RCSD1: variants seen among roughly 807,000 people sequenced by gnomAD.
RCSD1 encodes the protein capZ-interacting protein.
Under a neutral mutation model 42.5 loss-of-function variants are expected in RCSD1, and 26 were observed. The observed-to-expected ratio is 0.61, with a 90% CI of 0.45 to 0.85. The LOEUF (loss-of-function observed/expected upper bound fraction) is 0.85, where lower values mean the gene tolerates loss of function less well. Among genes scored for constraint, RCSD1 ranks in the 40% least tolerant of loss-of-function variants. The pLI, the probability that RCSD1 is intolerant of heterozygous loss-of-function variation, is 0.00. For synonymous variants in RCSD1, 220 were observed against 212.2 expected (o/e 1.04, Z -0.32); for missense variants, 571 against 528.3 (o/e 1.08, Z -0.79).
Position 167,697,816 on chromosome 1 carries a change from A to C in RCSD1, c.1192A>C (p.Ser398Arg), listed in dbSNP as rs1381440600. Reference sequence around the variant, plus strand: ...GCTGGAGACCAGCAGTGAGGTCCAGAGCGAGCCAGCAGTCCCCAAGCCGGA... The same window carrying C: ...GCTGGAGACCAGCAGTGAGGTCCAGCGCGAGCCAGCAGTCCCCAAGCCGGA... ...AQLETSSEVQ[S>R]EPAVPKPEDD... Residue 398 changes from serine (S) to arginine (R), a missense_variant, in exon 6 of 7, where the codon AGC becomes CGC. Ser to Arg is a moderately radical substitution (Grantham distance 110). Transcript: ENST00000367854. The C allele has an allele frequency of 4.1e-6, 6 of 1,468,844 alleles. No homozygotes were observed. Among genetic ancestry groups the C allele is most frequent in the Non-Finnish European group, 4.5e-6 (5 of 1,110,564 alleles). The allele number at this position is 1,468,844 out of a possible 1,614,324, so 91.0% of individuals were successfully genotyped here. A position where few individuals can be genotyped will look rare whatever the true frequency, so the allele number is the denominator to read the frequency against.
At chr1:167,660,665 A>C (rs1367084049) in intron 1 of RCSD1, among the ~76,000 whole-genome samples, 1 of 151,902 alleles carries the variant, frequency 6.6e-6, no homozygotes, top group Non-Finnish European at 1.5e-5. Context: ...GTAGCAATGG[A>C]GTCTCATTTT....
rs578111245 is a variant in RCSD1, at chr1:167,635,280, G to A, written c.6+4851G>A. ...GCCTCTGAAGCTAGAGTTTGGCTCG[G>A]TGGACTTGTGGCATGCCCAAATACC... On this transcript the variant is annotated intron_variant, in intron 1 of 6. Coordinates refer to ENST00000367854, the MANE Select transcript of RCSD1 (RefSeq NM_052862.4). Among the ~76,000 whole-genome samples the A allele has an allele frequency of 2.6e-5, 4 of 152,254 alleles. No individual in the cohort carries two copies. The South Asian group carries it at 8.3e-4, about 32-fold the overall frequency.
chr1:167,651,712 C>T (rs886602913), intron 1 of RCSD1, among the ~76,000 whole-genome samples: 1 of 152,142 alleles, frequency 6.6e-6, no homozygotes, highest in Non-Finnish European at 1.5e-5. Flanking sequence ...GAGCTCTTAC[C>T]CTCCCAGGAT....
At chr1:167,635,053 A>G (rs982961470) in intron 1 of RCSD1, among the ~76,000 whole-genome samples, 4 of 152,086 alleles carry the variant, frequency 2.6e-5, no homozygotes, top group South Asian at 4.1e-4. Context: ...ATTTTCTACC[A>G]CATTTTTTAA....
chr1:167,664,593 T>C (rs1658609952), intron 1 of RCSD1: 1 of 152,236 alleles, frequency 6.6e-6, no homozygotes, highest in Non-Finnish European at 1.5e-5. Context: ...CCACGAGATG[T>C]AGACCATGAT....
In RCSD1 at chr1:167,697,260, G is replaced by A. The variant is rs776767845; in HGVS notation, c.636G>A (p.Lys212=). ...ATGAAGTGTTGCCATCCAAGAGCAA[G>A]GCCCCAGGATCCCCTTTGTCCAGTG... ...DGDEVLPSKS[K]APGSPLSSEG... is the part of the protein sequence containing the mutation. Residue 212 remains lysine, a synonymous_variant, in exon 6 of 7, where the codon AAG becomes AAA. Coordinates refer to ENST00000367854, the MANE Select transcript of RCSD1 (RefSeq NM_052862.4). 1 of 1,614,192 alleles carries A rather than the reference G, an allele frequency of 6.2e-7. No individual in the cohort carries two copies. The highest frequency in any genetic ancestry group is 8.5e-7 in the Non-Finnish European group (1 of 1,180,038).
At chr1:167,694,441 G>T (rs56152546) in intron 5 of RCSD1, 139 bp downstream of exon 5, 42,062 of 796,136 alleles carry the variant, frequency 0.053, 1,267 homozygotes, top group Middle Eastern at 0.1. Context: ...TAACCCAAGT[G>T]AAATTTCTCC....
At chr1:167,664,233 G>A (rs1415780990) in intron 1 of RCSD1, 5 of 152,262 alleles carry the variant, frequency 3.3e-5, no homozygotes, top group Admixed American at 3.3e-4. Flanking sequence ...CCACTATCTT[G>A]CTGCATGAGT....
rs1439861054 is a variant in RCSD1 at position 167,697,819 on chromosome 1, G to C, written c.1195G>C (p.Glu399Gln). The change falls in exon 6 of 7, where the codon GAG becomes CAG. Residue 399 changes from glutamate to glutamine, a missense_variant. Coordinates refer to ENST00000367854, the MANE Select transcript of RCSD1 (RefSeq NM_052862.4). The part of the protein sequence containing the change: ...QLETSSEVQS[E>Q]PAVPKPEDDT... ...GGAGACCAGCAGTGAGGTCCAGAGC[G>C]AGCCAGCAGTCCCCAAGCCGGAGGT... The C allele has an allele frequency of 1.4e-6, 2 of 1,466,478 alleles. No homozygotes were observed. The highest frequency in any genetic ancestry group is 1.5e-5 in the South Asian group (1 of 68,496). The allele number at this position is 1,466,478 out of a possible 1,614,324, so 90.8% of individuals were successfully genotyped here.
chr1:167,656,844 G>A (rs911273233), intron 1 of RCSD1, among the ~76,000 whole-genome samples: 2 of 152,198 alleles, frequency 1.3e-5, no homozygotes, highest in Non-Finnish European at 2.9e-5. Flanking sequence ...CTGCTCTAAA[G>A]GGGGTCATTG....
chr1:167,708,477 T>C lies in RCSD1; in HGVS notation c.*3781T>C, dbSNP rs1344315298. Among the ~76,000 whole-genome samples the C allele has an allele frequency of 6.6e-6, 1 of 152,226 alleles. No individual in the cohort carries two copies. Among genetic ancestry groups the C allele is most frequent in the African/African-American group, 2.4e-5 (1 of 41,466 alleles). ...TGCATGATCAGGTGGTTTATGAAGA[T>C]GTCAAGAGCACTGAACAAAATCCAA... On this transcript the variant is annotated 3_prime_UTR_variant, in exon 7 of 7. Transcript: ENST00000367854.
At position 167,697,697 on chromosome 1, in the gene RCSD1, G is replaced by A. The variant is rs777750714; in HGVS notation, c.1073G>A (p.Gly358Asp). ...TPHSPPGGVKGGDVPKQEKGK... is the reference protein window; with the variant it reads ...TPHSPPGGVKDGDVPKQEKGK... ...CACAGTCCCCCTGGAGGAGTGAAGGGCGGAGATGTCCCCAAGCAGGAAAAA... is the reference window on the plus strand; with the variant it reads ...CACAGTCCCCCTGGAGGAGTGAAGGACGGAGATGTCCCCAAGCAGGAAAAA... Residue 358 changes from glycine to aspartate, a missense_variant, in exon 6 of 7, where the codon GGC becomes GAC. Coordinates refer to ENST00000367854, the MANE Select transcript of RCSD1 (RefSeq NM_052862.4). The A allele has an allele frequency of 1.1e-5, 17 of 1,602,098 alleles. No individual in the cohort carries two copies. Among genetic ancestry groups the A allele is most frequent in the Admixed American group, 5.2e-5 (3 of 57,764 alleles).
rs57472439 is a variant in RCSD1 at position 167,693,298 on chromosome 1, G to A, written c.271-801G>A. 2.0e-3 allele frequency among the ~76,000 whole-genome samples: 308 copies of A among 152,264 alleles called. 5 individuals carry two copies. In the East Asian group the frequency reaches 0.03, roughly 15 times the overall value. On this transcript the variant is annotated intron_variant, in intron 4 of 6. Coordinates refer to ENST00000367854, the MANE Select transcript of RCSD1 (RefSeq NM_052862.4). ...GCCTTAAAGAGGATCGGACTCTCAC[G>A]CACGTTCTCCCCATGGACGCCTTCG...
At chr1:167,640,101 G>A (rs1295015616) in intron 1 of RCSD1, among the ~76,000 whole-genome samples, 1 of 152,258 alleles carries the variant, frequency 6.6e-6, no homozygotes, top group African/African-American at 2.4e-5. Flanking sequence ...GTGCGGAAGT[G>A]CTGCCCAGGT....
chr1:167,692,698 C>T (rs1659404954), intron 4 of RCSD1, among the ~76,000 whole-genome samples: 1 of 152,044 alleles, frequency 6.6e-6, no homozygotes, highest in South Asian at 2.1e-4. Context: ...GGCTAGTATG[C>T]TATTTAACTT....
At chr1:167,682,855 AG>A (rs1659115631) in intron 1 of RCSD1, among the ~76,000 whole-genome samples, 1 of 152,210 alleles carries the variant, frequency 6.6e-6, no homozygotes, top group African/African-American at 2.4e-5. Context: ...GGGGAAGTGC[AG>A]GGGGAGTTCG....
At chr1:167,632,703 C>T (rs1409848130) in intron 1 of RCSD1, among the ~76,000 whole-genome samples, 2 of 9,778 alleles carry the variant, frequency 2.0e-4, no homozygotes, top group Non-Finnish European at 8.8e-4. Context: ...CAGTAGGTCA[C>T]TAAGCCTAGT....
intron 6 of RCSD1, among the ~76,000 whole-genome samples, chr1:167,700,606 G>A (rs542145234): frequency 5.9e-4 from 89 of 150,822 alleles, no homozygotes; most frequent in East Asian, 2.1e-3. Flanking sequence ...AGCGGAAATC[G>A]CGCCACTGCA....
intron 1 of RCSD1, among the ~76,000 whole-genome samples, chr1:167,646,511 CTTTTT>C (rs1658151380): frequency 1.3e-4 from 1 of 7,942 alleles, no homozygotes; most frequent in African/African-American, 1.2e-3. Flanking sequence ...AGTTTTTTTT[CTTTTT>C]CTTTTTCTTT....
Sources: allele counts gnomAD v4.1 joint callset (sites outside exome capture counted in the v4.1 genomes callset), GRCh38; gene constraint gnomAD v4.1.1; transcripts MANE v1.5; gene names NCBI Gene and HGNC (gene_info 2026-07-23, HGNC 2026-07-21).